Variants in KIF3B observed in about 807,000 individuals in gnomAD.
The protein encoded by KIF3B is kinesin-like protein KIF3B.
In KIF3B, 38 loss-of-function variants were observed where a neutral mutation model predicts 74.3. The observed-to-expected ratio is 0.51, with a 90% CI of 0.39 to 0.67. The LOEUF is 0.67. KIF3B is among the 30% of genes least tolerant of loss of function. The pLI, the probability that KIF3B is intolerant of heterozygous loss-of-function variation, is 0.00. For synonymous variants in KIF3B, 326 were observed against 342.5 expected (o/e 0.95, Z 0.53); for missense variants, 649 against 932.0 (o/e 0.70, Z 3.95).
chr20:32,283,430 G>A (rs1000933765), intron 1 of KIF3B, among the ~76,000 whole-genome samples: 2 of 152,048 alleles, frequency 1.3e-5, no homozygotes, highest in Non-Finnish European at 2.9e-5. Context: ...CTTGAACCCG[G>A]GAGGTGGTGG....
Position 32,286,115 on chromosome 20 carries a change from A to G in KIF3B, c.-66+8350A>G, listed in dbSNP as rs537016150. ...ACATTTGCAGCACTTGCATTTTGTC[A>G]TGCTTGAATATAGTCTATAAATGGA... is the stretch of plus-strand genomic sequence containing the variant. On this transcript the variant is annotated intron_variant, in intron 1 of 8. Transcript: ENST00000375712. Among the ~76,000 whole-genome samples, 161 of 152,226 alleles carry G rather than the reference A, an allele frequency of 1.1e-3. 1 individual carries two copies. Among genetic ancestry groups the G allele is most frequent in the Non-Finnish European group, 2.0e-3 (134 of 68,046 alleles).
Position 32,310,366 on chromosome 20 carries a change from G to T in KIF3B, c.589G>T (p.Gly197Trp). 6.2e-7 allele frequency: 1 copy of T among 1,614,194 alleles called. No individual in the cohort carries two copies. Among genetic ancestry groups the T allele is most frequent in the South Asian group, 1.1e-5 (1 of 91,072 alleles). Residue 197 changes from glycine to tryptophan, a missense_variant, in exon 2 of 9, where the codon GGG becomes TGG. This residue lies in a region of KIF3B where 363 missense variants were observed against 592.8 expected (regional missense o/e 0.61). Transcript: ENST00000375712. This position sits in a 1 kb window ranked among gnomAD's most constrained non-coding sequence, Gnocchi z 6.5. ...VKEIEHVMNV[G>W]NQNRSVGATN... Reference sequence around the variant, plus strand: ...GGAGATAGAGCATGTGATGAATGTGGGGAACCAGAACCGTTCTGTCGGTGC... The same window carrying T: ...GGAGATAGAGCATGTGATGAATGTGTGGAACCAGAACCGTTCTGTCGGTGC...
chr20:32,291,876 C>G (rs1354723485), intron 1 of KIF3B, among the ~76,000 whole-genome samples: 1 of 152,016 alleles, frequency 6.6e-6, no homozygotes, highest in Non-Finnish European at 1.5e-5. Flanking sequence ...CTCGGCCTCC[C>G]AAAGTGCTGG....
intron 1 of KIF3B, among the ~76,000 whole-genome samples, chr20:32,280,074 T>C (rs887976811): frequency 7.2e-5 from 11 of 152,258 alleles, no homozygotes; most frequent in African/African-American, 2.7e-4. Flanking sequence ...CTTGGTGGTA[T>C]AGTTTCCTCA....
intron 5 of KIF3B, among the ~76,000 whole-genome samples, chr20:32,323,475 C>G (rs1431378128): frequency 6.6e-6 from 1 of 152,004 alleles, no homozygotes; most frequent in Non-Finnish European, 1.5e-5. Context: ...TCTCGGCTCA[C>G]TGCAAACTCT....
In KIF3B at chr20:32,277,689, G is replaced by A. The variant is rs2047622178; in HGVS notation, c.-142G>A. The A allele has an allele frequency of 3.9e-6, 1 of 257,630 alleles. No individual in the cohort carries two copies. Among genetic ancestry groups the A allele is most frequent in the Non-Finnish European group, 7.1e-6 (1 of 141,268 alleles). The allele number at this position is 257,630 out of a possible 1,614,324, so 16.0% of individuals were successfully genotyped here. ...ATCCGGGGCAGCGGGGAATGGCTGAGCCAGGGGTTCGCCGCCCCCGCCGCC... is the reference window on the plus strand; with the variant it reads ...ATCCGGGGCAGCGGGGAATGGCTGAACCAGGGGTTCGCCGCCCCCGCCGCC... On this transcript the variant is annotated 5_prime_UTR_variant, in exon 1 of 9. Transcript: ENST00000375712.
chr20:32,312,106 T>C (rs868563704), intron 2 of KIF3B, among the ~76,000 whole-genome samples: 1 of 145,114 alleles, frequency 6.9e-6, no homozygotes, highest in African/African-American at 2.5e-5. Flanking sequence ...TCCGGCTTTT[T>C]TTTTTCTTTC....
intron 2 of KIF3B, among the ~76,000 whole-genome samples, chr20:32,313,132 T>A (rs1372805126): frequency 6.6e-6 from 1 of 152,200 alleles, no homozygotes; most frequent in Non-Finnish European, 1.5e-5. Flanking sequence ...AATGGCTAGT[T>A]AGCATTCTGG....
At chr20:32,282,259 C>T (rs2047646675) in intron 1 of KIF3B, among the ~76,000 whole-genome samples, 1 of 151,880 alleles carries the variant, frequency 6.6e-6, no homozygotes, top group Admixed American at 6.6e-5. Context: ...GGAGGTAGAA[C>T]CAGCAGGATG....
Position 32,309,961 on chromosome 20 carries a change from G to A in KIF3B, c.184G>A (p.Val62Ile), listed in dbSNP as rs1398207760. The change falls in exon 2 of 9, where the codon GTC becomes ATC. Residue 62 changes from valine (V) to isoleucine (I), a missense_variant. Val to Ile is a conservative substitution (Grantham distance 29). Transcript: ENST00000375712. ...EMPKTFTFDA[V>I]YDWNAKQFEL... The stretch of plus-strand genomic sequence containing the variant: ...GCCCAAGACCTTCACCTTTGATGCC[G>A]TCTATGACTGGAATGCCAAGCAGTT... The A allele has an allele frequency of 1.9e-6, 3 of 1,614,146 alleles. No individual in the cohort carries two copies. Among genetic ancestry groups the A allele is most frequent in the Non-Finnish European group, 1.7e-6 (2 of 1,180,030 alleles).
At chr20:32,295,284 C>T (rs886904317) in intron 1 of KIF3B, among the ~76,000 whole-genome samples, 4 of 151,342 alleles carry the variant, frequency 2.6e-5, no homozygotes, top group Non-Finnish European at 5.9e-5. Flanking sequence ...AAAGGTGACG[C>T]CCCCCGCCCC....
intron 8 of KIF3B, among the ~76,000 whole-genome samples, chr20:32,330,981 TG>T (rs1479482896): frequency 3.3e-5 from 5 of 152,222 alleles, no homozygotes; most frequent in African/African-American, 4.8e-5. Context: ...AGTCAAGCTT[TG>T]GTTTTAAAGA....
chr20:32,292,342 T>C (rs2047695882), intron 1 of KIF3B, among the ~76,000 whole-genome samples: 1 of 151,962 alleles, frequency 6.6e-6, no homozygotes, highest in African/African-American at 2.4e-5. Context: ...GGACCTGTAA[T>C]ACCAGCAGTT....
chr20:32,327,805 TAATA>T (rs1372448715), intron 7 of KIF3B, 144 bp downstream of exon 7: 24 of 531,158 alleles, frequency 4.5e-5, no homozygotes, highest in Middle Eastern at 4.9e-4. Context: ...TTATAACAAA[TAATA>T]AATAAATAAG....
intron 2 of KIF3B, among the ~76,000 whole-genome samples, 186 bp downstream of exon 2, chr20:32,311,367 T>C (rs1426782215): frequency 1.3e-5 from 2 of 152,080 alleles, no homozygotes; most frequent in Non-Finnish European, 2.9e-5. Context: ...TTTTTCACAT[T>C]TACAAAAATG....
chr20:32,318,302 C>A (rs1209347779), intron 5 of KIF3B, among the ~76,000 whole-genome samples: 49 of 145,294 alleles, frequency 3.4e-4, no homozygotes, highest in African/African-American at 5.0e-4. Flanking sequence ...ATTCTTGTCT[C>A]AAAAAAAAAA....
chr20:32,307,733 C>T (rs2047778798), intron 1 of KIF3B, among the ~76,000 whole-genome samples: 1 of 151,680 alleles, frequency 6.6e-6, no homozygotes, highest in Non-Finnish European at 1.5e-5. Context: ...AGATCGAGAC[C>T]ACAGTGAAAC....
At chr20:32,287,943 T>C (rs1205779103) in intron 1 of KIF3B, among the ~76,000 whole-genome samples, 2 of 131,842 alleles carry the variant, frequency 1.5e-5, no homozygotes, top group African/African-American at 5.8e-5. Context: ...AGTGCAGTGG[T>C]GCAGTCTCAG....
chr20:32,306,148 A>G (rs2047769891), intron 1 of KIF3B, among the ~76,000 whole-genome samples: 1 of 150,856 alleles, frequency 6.6e-6, no homozygotes, highest in Non-Finnish European at 1.5e-5. Flanking sequence ...TAATCCCAGC[A>G]CTTTGGGAGG....
Sources: gnomAD v4.1 joint callset for allele counts (sites outside exome capture counted in the v4.1 genomes callset) on GRCh38, gnomAD v4.1.1 for gene constraint, gnomAD v4.1.1 regional missense constraint, Gnocchi (gnomAD v3.1) non-coding constraint, MANE v1.5 for transcripts, NCBI Gene and HGNC (gene_info 2026-07-23, HGNC 2026-07-21) for gene names.